Variants in RNF4 observed in about 807,000 individuals in gnomAD.
RNF4 encodes E3 ubiquitin-protein ligase RNF4.
In RNF4, 7 loss-of-function variants were observed where a neutral mutation model predicts 24.3. That is an observed-to-expected ratio of 0.29 (90% confidence interval 0.16 to 0.54). The LOEUF (loss-of-function observed/expected upper bound fraction) is 0.54, where lower values mean the gene tolerates loss of function less well. Among genes scored for constraint, RNF4 ranks in the 20% least tolerant of loss-of-function variants. The probability of loss-of-function intolerance (pLI) is 0.95; values close to 1 mark genes in which losing one functional copy is unlikely to be tolerated. For missense variants in RNF4, 209 were observed against 248.5 expected (o/e 0.84, Z 1.07); for synonymous variants, 83 against 84.3 (o/e 0.98, Z 0.09).
At chr4:2,484,068 C>CCCCA (rs1560402700) in intron 1 of RNF4, among the ~76,000 whole-genome samples, 1 of 10,980 alleles carries the variant, frequency 9.1e-5, no homozygotes, top group African/African-American at 2.7e-4. Flanking sequence ...CTCAGGTGAT[C>CCCCA]CCCCCCCGCC....
At chr4:2,482,091 A>G (rs1300002724) in intron 1 of RNF4, among the ~76,000 whole-genome samples, 3 of 152,212 alleles carry the variant, frequency 2.0e-5, no homozygotes, top group Non-Finnish European at 4.4e-5. Flanking sequence ...CTTAGCCCAC[A>G]GATGCATCTG....
At chr4:2,506,083 C>T (rs762353495) in intron 4 of RNF4, 1 of 152,244 alleles carries the variant, frequency 6.6e-6, no homozygotes, top group African/African-American at 2.4e-5. Context: ...AGCCTTCAAA[C>T]ATAACCCTTG....
At chr4:2,484,491 G>C (rs989241141) in intron 1 of RNF4, among the ~76,000 whole-genome samples, 2 of 152,024 alleles carry the variant, frequency 1.3e-5, no homozygotes, top group African/African-American at 4.8e-5. Flanking sequence ...CTGACTTACA[G>C]TGTTTCATTT....
In RNF4 at chr4:2,515,460, A is replaced by G. The variant is rs1736388431; in HGVS notation, c.*1641A>G. 2 of 152,440 alleles carry G rather than the reference A, an allele frequency of 1.3e-5. No individual in the cohort carries two copies. The highest frequency in any genetic ancestry group is 2.9e-5 in the Non-Finnish European group (2 of 68,044). The allele number at this position is 152,440 out of a possible 1,614,324, so 9.4% of individuals were successfully genotyped here. A position where few individuals can be genotyped will look rare whatever the true frequency, so the allele number is the denominator to read the frequency against. On this transcript the variant is annotated 3_prime_UTR_variant, in exon 8 of 8. Transcript: ENST00000314289. ...TAGCATGTCTGCCCTCTGACTGGACATCATTGCCATTAACTTTCTTCTGGG... is the reference window on the plus strand; with the variant it reads ...TAGCATGTCTGCCCTCTGACTGGACGTCATTGCCATTAACTTTCTTCTGGG...
chr4:2,473,570 T>C (rs548240354), intron 1 of RNF4, among the ~76,000 whole-genome samples: 153 of 151,978 alleles, frequency 1.0e-3, no homozygotes, highest in Non-Finnish European at 1.6e-3. Flanking sequence ...CTCAGCACTT[T>C]GGGAGGCCTA....
chr4:2,499,448 G>C, intron 3 of RNF4: 1 of 328,228 alleles, frequency 3.0e-6, no homozygotes, highest in Non-Finnish European at 6.0e-6. Context: ...CGCTAATTTT[G>C]TATTTTTAGT....
intron 1 of RNF4, among the ~76,000 whole-genome samples, chr4:2,472,809 A>G (rs1220565545): frequency 4.0e-5 from 6 of 149,862 alleles, no homozygotes; most frequent in Non-Finnish European, 8.9e-5. Flanking sequence ...TGGGAGGCGA[A>G]GTGGGCGGAT....
intron 4 of RNF4, among the ~76,000 whole-genome samples, chr4:2,507,011 C>T (rs1736121345): frequency 6.6e-6 from 1 of 152,118 alleles, no homozygotes; most frequent in South Asian, 2.1e-4. Context: ...GTTACTTAGG[C>T]TGTTTTTCTT....
At chr4:2,476,319 C>A (rs112769602) in intron 1 of RNF4, among the ~76,000 whole-genome samples, 1 of 152,204 alleles carries the variant, frequency 6.6e-6, no homozygotes, top group African/African-American at 2.4e-5. Context: ...CCTACTCTTG[C>A]AAGTTGAAAA....
chr4:2,502,843 CAAAA>C (rs61616696), intron 4 of RNF4, among the ~76,000 whole-genome samples: 4 of 130,784 alleles, frequency 3.1e-5, no homozygotes, highest in Admixed American at 7.6e-5. Flanking sequence ...GACTCTGTCT[CAAAA>C]AAAAAAAAAA....
chr4:2,512,105 G>A lies in RNF4; in HGVS notation c.214+140G>A, dbSNP rs1736284657. 4 of 763,508 alleles carry A rather than the reference G, an allele frequency of 5.2e-6. No individual in the cohort carries two copies. Among genetic ancestry groups the A allele is most frequent in the African/African-American group, 1.8e-5 (1 of 57,080 alleles). 47.3% of individuals were successfully genotyped at this position (763,508 alleles called of 1,614,324 possible). ...AGGAAGATGCCTTCGCAGATGCTGT[G>A]GTCAGACCCACACAGCCAGTCCCCC... On this transcript the variant is annotated intron_variant, in intron 5 of 7. Transcript: ENST00000314289. This position sits in a 1 kb window ranked among gnomAD's most constrained non-coding sequence, Gnocchi z 4.1.
Position 2,512,959 on chromosome 4 carries a change from C to A in RNF4, c.375-124C>A. 1 of 945,382 alleles carries A rather than the reference C, an allele frequency of 1.1e-6. No homozygotes were observed. Among genetic ancestry groups the A allele is most frequent in the Non-Finnish European group, 1.7e-6 (1 of 592,012 alleles). 58.6% of individuals were successfully genotyped at this position (945,382 alleles called of 1,614,324 possible). A position where few individuals can be genotyped will look rare whatever the true frequency, so the allele number is the denominator to read the frequency against. On this transcript the variant is annotated intron_variant, in intron 6 of 7. Coordinates refer to ENST00000314289, the MANE Select transcript of RNF4 (RefSeq NM_002938.5). This position sits in a 1 kb window ranked among gnomAD's most constrained non-coding sequence, Gnocchi z 4.1. Reference sequence around the variant, plus strand: ...TTCCTGAAAGTCTCTCGGATGCCCGCGCTAAGGCAGAGTCAGGAGGCCAGG... The same window carrying A: ...TTCCTGAAAGTCTCTCGGATGCCCGAGCTAAGGCAGAGTCAGGAGGCCAGG...
chr4:2,508,867 C>T (rs1010232718), intron 4 of RNF4, among the ~76,000 whole-genome samples: 11 of 150,350 alleles, frequency 7.3e-5, no homozygotes, highest in East Asian at 2.0e-4. Context: ...CCGCCTCTGC[C>T]TCCCAGAGTG....
Position 2,511,923 on chromosome 4 carries a change from T to G in RNF4, c.205-33T>G, listed in dbSNP as rs1203423351. 3.8e-6 allele frequency: 6 copies of G among 1,591,396 alleles called. No individual in the cohort carries two copies. The East Asian group carries it at 1.4e-4, about 36-fold the overall frequency. On this transcript the variant is annotated intron_variant, in intron 4 of 7. Coordinates refer to ENST00000314289, the MANE Select transcript of RNF4 (RefSeq NM_002938.5). ...TCACTTATATCAAACTGATTGCTTC[T>G]TTCTCTTTTGTTTTTCTCCTTCTGT...
intron 4 of RNF4, among the ~76,000 whole-genome samples, chr4:2,504,427 A>G (rs572544478): frequency 3.3e-5 from 5 of 152,092 alleles, no homozygotes; most frequent in East Asian, 1.9e-4. Flanking sequence ...TTGTGGTTTT[A>G]ATTTGTGCTT....
chr4:2,508,224 T>C (rs1736160040), intron 4 of RNF4, among the ~76,000 whole-genome samples: 1 of 152,108 alleles, frequency 6.6e-6, no homozygotes, highest in Non-Finnish European at 1.5e-5. Context: ...GATTAGTTAA[T>C]TGTTGTTATT....
chr4:2,470,296 C>T (rs1448092833), intron 1 of RNF4, among the ~76,000 whole-genome samples: 3 of 152,174 alleles, frequency 2.0e-5, no homozygotes, highest in Non-Finnish European at 4.4e-5. Context: ...GTTTTGAATT[C>T]ATTGACCAGG....
intron 1 of RNF4, among the ~76,000 whole-genome samples, chr4:2,477,458 G>A (rs1735113494): frequency 6.6e-6 from 1 of 152,132 alleles, no homozygotes; most frequent in Non-Finnish European, 1.5e-5. Flanking sequence ...GGTGGTACAT[G>A]CCTGTAGTTC....
At chr4:2,477,594 A>G (rs1158351546) in intron 1 of RNF4, among the ~76,000 whole-genome samples, 1 of 152,028 alleles carries the variant, frequency 6.6e-6, no homozygotes, top group African/African-American at 2.4e-5. Context: ...AAAAAACAAA[A>G]GAGATCTGAT....
Sources: allele counts gnomAD v4.1 joint callset (sites outside exome capture counted in the v4.1 genomes callset), GRCh38; gene constraint gnomAD v4.1.1; non-coding constraint Gnocchi (gnomAD v3.1); transcripts MANE v1.5; gene names NCBI Gene and HGNC (gene_info 2026-07-23, HGNC 2026-07-21).